PIN4: variants seen among roughly 807,000 people sequenced by gnomAD.
The protein encoded by PIN4 is peptidylprolyl cis/trans isomerase, NIMA-interacting 4.
PIN4 carries 3 observed loss-of-function variants against 8.3 expected under a neutral mutation model. The observed-to-expected ratio is 0.36, with a 90% CI of 0.16 to 0.93. The LOEUF is 0.93. Among genes scored for constraint, PIN4 ranks in the 40% least tolerant of loss-of-function variants. The probability of loss-of-function intolerance (pLI) is 0.44; values close to 1 mark genes in which losing one functional copy is unlikely to be tolerated. For missense variants in PIN4, 75 were observed against 100.6 expected, an observed-to-expected ratio of 0.75 and a Z score of 1.09; for synonymous variants, 18 against 32.5, an observed-to-expected ratio of 0.55 and a Z score of 1.52.
At chrX:72,199,374 C>T (rs1033459398), downstream of PIN4, among the ~76,000 whole-genome samples, 1 of 111,373 alleles carries the variant, frequency 9.0e-6, no homozygotes, top group African/African-American at 3.3e-5. Context: ...CCCGTTTCTA[C>T]TAAAAATACA....
At chrX:72,224,648 G>A (rs1362548737) in intron 3 of PIN4, among the ~76,000 whole-genome samples, 3 of 111,343 alleles carry the variant, frequency 2.7e-5, no homozygotes, top group Non-Finnish European at 5.6e-5. Flanking sequence ...CGGAGGCTGA[G>A]GCAAGAGAAT....
At chrX:72,238,772 G>C in intron 3 of PIN4, 1 of 1,025,734 alleles carries the variant, frequency 9.7e-7, no homozygotes, top group Non-Finnish European at 1.3e-6. Context: ...TCCCCAGGAG[G>C]ATCCGGGGGC....
intron 3 of PIN4, among the ~76,000 whole-genome samples, chrX:72,223,668 C>T (rs985415833): frequency 5.4e-5 from 6 of 111,379 alleles, no homozygotes; most frequent in Admixed American, 9.5e-5. Flanking sequence ...GAAGGCCTTC[C>T]GTGTCTTTAA....
intron 2 of PIN4, among the ~76,000 whole-genome samples, chrX:72,194,701 CAAAA>C (rs56123643): frequency 4.0e-5 from 2 of 50,146 alleles, no homozygotes; most frequent in Non-Finnish European, 4.4e-5. Flanking sequence ...AACTCCATCT[CAAAA>C]AAAAAAAAAA....
intron 3 of PIN4, among the ~76,000 whole-genome samples, chrX:72,254,511 G>A (rs1440511020): frequency 3.6e-5 from 4 of 112,358 alleles, no homozygotes; most frequent in East Asian, 2.8e-4. Flanking sequence ...AGCCGCAATC[G>A]TCCTAGCACA....
At chrX:72,186,169 A>C (rs752762130) in intron 1 of PIN4, 6 of 329,293 alleles carry the variant, frequency 1.8e-5, no homozygotes, top group Non-Finnish European at 3.3e-5. Flanking sequence ...ATGCAGCCCA[A>C]CACAAATTTG....
At chrX:72,255,549 C>T (rs760815726) in intron 3 of PIN4, 2 of 110,462 alleles carry the variant, frequency 1.8e-5, no homozygotes, top group Non-Finnish European at 3.8e-5. Flanking sequence ...ACCGCTCCCC[C>T]ACCTGATCTC....
intron 3 of PIN4, among the ~76,000 whole-genome samples, chrX:72,219,676 C>T (rs865829215): frequency 1.8e-5 from 2 of 109,123 alleles, no homozygotes; most frequent in East Asian, 2.9e-4. Context: ...GAAGAAGCCC[C>T]GCCTCTACTA....
intron 2 of PIN4, among the ~76,000 whole-genome samples, chrX:72,188,221 C>T (rs2042713218): frequency 8.9e-6 from 1 of 112,605 alleles, no homozygotes; most frequent in Admixed American, 9.4e-5. Flanking sequence ...TGAGAGCTGA[C>T]ATGCTGGTCT....
intron 2 of PIN4, among the ~76,000 whole-genome samples, chrX:72,190,475 A>G (rs1395362035): frequency 1.8e-5 from 2 of 110,320 alleles, no homozygotes; most frequent in African/African-American, 6.7e-5. Context: ...AAAGGAAGGA[A>G]AAGAAAAGAA....
intron 3 of PIN4, among the ~76,000 whole-genome samples, chrX:72,210,202 AAAATAAATAAATAAATAAATAAAT>A (rs58086876): frequency 3.1e-5 from 3 of 97,190 alleles, no homozygotes; most frequent in South Asian, 5.0e-4. Flanking sequence ...TGTCTCTTAA[AAAATAAATAAATAAATAAATAAAT>A]AAATAAATAA....
intron 2 of PIN4, among the ~76,000 whole-genome samples, chrX:72,189,660 T>C (rs946341496): frequency 1.3e-4 from 14 of 111,803 alleles, no homozygotes; most frequent in Admixed American, 6.7e-4. Flanking sequence ...TAAATGCTCA[T>C]TATAGCATTT....
intron 3 of PIN4, chrX:72,207,259 G>C: frequency 8.3e-7 from 1 of 1,211,435 alleles, no homozygotes; most frequent in Non-Finnish European, 1.1e-6. Context: ...GATTCGCAAT[G>C]TCTTAAAGTG....
chrX:72,204,380 GAT>G (rs2042803990), intron 3 of PIN4, among the ~76,000 whole-genome samples: 1 of 112,324 alleles, frequency 8.9e-6, no homozygotes, highest in South Asian at 3.7e-4. Context: ...GTGTGGAAAG[GAT>G]ATATAGTAGC....
At chrX:72,255,525 C>T (rs910931261) in intron 3 of PIN4, among the ~76,000 whole-genome samples, 1 of 109,756 alleles carries the variant, frequency 9.1e-6, no homozygotes, top group African/African-American at 3.3e-5. Context: ...CGCCCCTCTT[C>T]CCGCCCACGG....
intron 1 of PIN4, among the ~76,000 whole-genome samples, chrX:72,185,230 G>T (rs1427002250): frequency 9.4e-6 from 1 of 106,273 alleles, no homozygotes; most frequent in East Asian, 3.0e-4. Flanking sequence ...GGGGCCAAAA[G>T]GCCTCAATGC....
intron 3 of PIN4, among the ~76,000 whole-genome samples, chrX:72,262,460 T>C (rs1163378668): frequency 8.9e-6 from 1 of 112,016 alleles, no homozygotes; most frequent in Non-Finnish European, 1.9e-5. Flanking sequence ...GCATTTTTCT[T>C]CACCAGTAAA....
downstream of PIN4, among the ~76,000 whole-genome samples, chrX:72,202,101 T>TA (rs1353461308): frequency 2.7e-5 from 3 of 113,051 alleles, no homozygotes; most frequent in Admixed American, 2.8e-4. Flanking sequence ...GAATCAGCCT[T>TA]ATGTTCCCTG....
chrX:72,196,677 C>A, intron 2 of PIN4, 108 bp from the exon 3 acceptor site: 1 of 638,141 alleles, frequency 1.6e-6, no homozygotes, highest in Non-Finnish European at 2.4e-6. Flanking sequence ...TTGCTATGAA[C>A]TAATGTGTTT....
Sources: gnomAD v4.1 joint callset for allele counts (sites outside exome capture counted in the v4.1 genomes callset) on GRCh38, gnomAD v4.1.1 for gene constraint, MANE v1.5 for transcripts, NCBI Gene and HGNC (gene_info 2026-07-23, HGNC 2026-07-21) for gene names.